The following HCFC2 variants were observed in gnomAD, a reference collection of about 807,000 sequenced individuals.
HCFC2 encodes the protein host cell factor 2.
HCFC2 carries 18 observed loss-of-function variants against 89.2 expected under a neutral mutation model. That is an observed-to-expected ratio of 0.20 (90% confidence interval 0.14 to 0.30). The LOEUF is 0.30. Ranked by LOEUF, HCFC2 falls within the 10% of genes least tolerant of loss-of-function variation. HCFC2 has a pLI of 1.00. For missense variants in HCFC2, 578 were observed against 956.1 expected (o/e 0.60, Z 5.21); for synonymous variants, 308 against 335.7 (o/e 0.92, Z 0.90).
intron 4 of HCFC2, chr12:104,080,521 A>T (rs1883653384): frequency 2.9e-6 from 1 of 339,560 alleles, no homozygotes; most frequent in Non-Finnish European, 5.4e-6. Context: ...CCATGGATGC[A>T]GCACCCATAG....
At chr12:104,084,893 GC>G (rs1462237003) in intron 7 of HCFC2, among the ~76,000 whole-genome samples, 2 of 152,160 alleles carry the variant, frequency 1.3e-5, no homozygotes, top group Non-Finnish European at 2.9e-5. Context: ...GAAGTTTTTA[GC>G]TTGAATTTTA....
intron 3 of HCFC2, among the ~76,000 whole-genome samples, chr12:104,075,091 G>A (rs1183623057): frequency 3.3e-5 from 5 of 151,252 alleles, no homozygotes; most frequent in Non-Finnish European, 7.4e-5. Context: ...GTGGTGGTAC[G>A]CACCTATAGT....
At chr12:104,078,685 G>T (rs1883588395) in intron 3 of HCFC2, among the ~76,000 whole-genome samples, 1 of 152,040 alleles carries the variant, frequency 6.6e-6, no homozygotes. Context: ...TGATTGTTCT[G>T]GTTATCTAGT....
At chr12:104,065,725 T>C (rs905901319) in intron 1 of HCFC2, among the ~76,000 whole-genome samples, 3 of 152,246 alleles carry the variant, frequency 2.0e-5, no homozygotes, top group African/African-American at 7.2e-5. Flanking sequence ...ATTTGAATCT[T>C]GCTCTGCCGG....
intron 3 of HCFC2, among the ~76,000 whole-genome samples, chr12:104,072,836 G>A (rs1883367419): frequency 6.6e-6 from 1 of 151,738 alleles, no homozygotes; most frequent in South Asian, 2.1e-4. Flanking sequence ...AGTAGAGACT[G>A]GGTTTCACCA....
At chr12:104,071,576 C>CTATTT (rs1208872384) in intron 3 of HCFC2, among the ~76,000 whole-genome samples, 8 of 151,102 alleles carry the variant, frequency 5.3e-5, no homozygotes, top group South Asian at 4.1e-4. Flanking sequence ...ACAGACCTAA[C>CTATTT]TATTTTATTT....
chr12:104,078,345 A>G (rs1883576393), intron 3 of HCFC2, among the ~76,000 whole-genome samples: 1 of 152,202 alleles, frequency 6.6e-6, no homozygotes, highest in Non-Finnish European at 1.5e-5. Flanking sequence ...CCTAGATAAC[A>G]TCCTAGAATT....
At chr12:104,066,994 G>T (rs1233271814) in intron 2 of HCFC2, among the ~76,000 whole-genome samples, 2 of 152,092 alleles carry the variant, frequency 1.3e-5, no homozygotes, top group Non-Finnish European at 2.9e-5. Context: ...CACCATGTTG[G>T]CCAGGCTGGT....
At chr12:104,079,983 G>A (rs1413675015) in intron 4 of HCFC2, among the ~76,000 whole-genome samples, 1 of 152,070 alleles carries the variant, frequency 6.6e-6, no homozygotes, top group Non-Finnish European at 1.5e-5. Flanking sequence ...GTCCTGTTGG[G>A]GATGATAACT....
At position 104,095,639 on chromosome 12, in the gene HCFC2, G is replaced by GAAATGCAACTCCCATCTAA; in HGVS notation, c.1666+76_1666+77insAAATGCAACTCCCATCTAA. Reference sequence around the variant, plus strand: ...TTCATCAAACTTACTTGTCTTAGATGGGAGTTGCATTTCATCTTGGAATTT... The same window carrying GAAATGCAACTCCCATCTAA: ...TTCATCAAACTTACTTGTCTTAGATGAAATGCAACTCCCATCTAAGGAGTTGCATTTCATCTTGGAATTT... On this transcript the variant is annotated intron_variant, in intron 11 of 14. Transcript: ENST00000229330. The surrounding 1 kb of genome is among the most constrained non-coding windows in gnomAD (Gnocchi z 4.2). 2.6e-6 allele frequency: 3 copies of GAAATGCAACTCCCATCTAA among 1,144,030 alleles called. No individual in the cohort carries two copies. The highest frequency in any genetic ancestry group is 3.8e-6 in the Non-Finnish European group (3 of 795,104). 70.9% of individuals were successfully genotyped at this position (1,144,030 alleles called of 1,614,324 possible). A position where few individuals can be genotyped will look rare whatever the true frequency, so the allele number is the denominator to read the frequency against.
At chr12:104,086,480 C>T (rs1410411279) in intron 7 of HCFC2, among the ~76,000 whole-genome samples, 1 of 151,770 alleles carries the variant, frequency 6.6e-6, no homozygotes, top group Admixed American at 6.6e-5. Context: ...TCCCCAGCCT[C>T]CCCCCAAAAA....
intron 7 of HCFC2, among the ~76,000 whole-genome samples, chr12:104,084,993 C>G (rs1883792162): frequency 6.6e-6 from 1 of 152,014 alleles, no homozygotes. Context: ...TAAGATCAAG[C>G]AGGCATTTGA....
Position 104,065,980 on chromosome 12 carries a change from A to G in HCFC2, c.164-187A>G, listed in dbSNP as rs1883116078. On this transcript the variant is annotated intron_variant, in intron 1 of 14. Coordinates refer to ENST00000229330, the MANE Select transcript of HCFC2 (RefSeq NM_013320.3). ...TTTGGCAGCATCCCTGCCTCTACCT[A>G]CTAGATGCCAGTAACAGCCCCCTCC... is the stretch of plus-strand genomic sequence containing the variant. Among the ~76,000 whole-genome samples, 3 of 152,070 alleles carry G rather than the reference A, an allele frequency of 2.0e-5. No homozygotes were observed. In the South Asian group the frequency reaches 6.2e-4, roughly 32 times the overall value.
intron 8 of HCFC2, among the ~76,000 whole-genome samples, chr12:104,087,228 C>T (rs1883880032): frequency 2.0e-5 from 3 of 151,490 alleles, no homozygotes; most frequent in Admixed American, 1.3e-4. Context: ...GTGGTGCATA[C>T]CTGTAATCCC....
At chr12:104,077,792 C>A (rs1455800379) in intron 3 of HCFC2, among the ~76,000 whole-genome samples, 1 of 151,850 alleles carries the variant, frequency 6.6e-6, no homozygotes. Context: ...TTTAAACATT[C>A]TTTTGCCTAC....
At chr12:104,079,111 C>T (rs913827510) in intron 3 of HCFC2, among the ~76,000 whole-genome samples, 1 of 152,198 alleles carries the variant, frequency 6.6e-6, no homozygotes, top group Admixed American at 6.5e-5. Context: ...ATAGACCCAA[C>T]TTCCTGATGG....
Position 104,064,828 on chromosome 12 carries a change from G to T in HCFC2, c.163+105G>T. On this transcript the variant is annotated intron_variant, in intron 1 of 14. Coordinates refer to ENST00000229330, the MANE Select transcript of HCFC2 (RefSeq NM_013320.3). The surrounding 1 kb of genome is among the most constrained non-coding windows in gnomAD (Gnocchi z 7.3). ...TGACAGCTGTCACCGCCCGGTCACTGCTTCCTTGGGCGGGCGGCGGGGAGC... is the reference window on the plus strand; with the variant it reads ...TGACAGCTGTCACCGCCCGGTCACTTCTTCCTTGGGCGGGCGGCGGGGAGC... 9.4e-7 allele frequency: 1 copy of T among 1,064,498 alleles called. No individual in the cohort carries two copies. Among genetic ancestry groups the T allele is most frequent in the Non-Finnish European group, 1.3e-6 (1 of 793,652 alleles). The allele number at this position is 1,064,498 out of a possible 1,614,324, so 65.9% of individuals were successfully genotyped here.
At chr12:104,079,385 A>C (rs1023626383) in intron 3 of HCFC2, 60 bp from the exon 4 acceptor site, 3 of 1,267,494 alleles carry the variant, frequency 2.4e-6, no homozygotes, top group Non-Finnish European at 3.3e-6. Flanking sequence ...AAATAGAAAT[A>C]AAATGCAAAT....
intron 3 of HCFC2, among the ~76,000 whole-genome samples, chr12:104,070,262 TC>T (rs1183051430): frequency 2.9e-5 from 4 of 138,242 alleles, no homozygotes; most frequent in Non-Finnish European, 6.6e-5. Context: ...TCTCCTGACC[TC>T]GTGATCTGCC....
Sources: gnomAD v4.1 joint callset for allele counts (sites outside exome capture counted in the v4.1 genomes callset) on GRCh38, gnomAD v4.1.1 for gene constraint, Gnocchi (gnomAD v3.1) non-coding constraint, MANE v1.5 for transcripts, NCBI Gene and HGNC (gene_info 2026-07-23, HGNC 2026-07-21) for gene names.